Variants in LRRTM4 observed in about 807,000 individuals in gnomAD.
LRRTM4 encodes the protein leucine-rich repeat transmembrane neuronal protein 4.
LRRTM4 carries 25 observed loss-of-function variants against 47.6 expected under a neutral mutation model. The observed-to-expected ratio is 0.53, with a 90% CI of 0.38 to 0.73. The LOEUF is 0.73. LRRTM4 is among the 30% of genes least tolerant of loss of function. The pLI is 0.00. For synonymous variants in LRRTM4, 311 were observed against 269.5 expected (o/e 1.15, Z -1.51); for missense variants, 638 against 713.4 (o/e 0.89, Z 1.20).
At chr2:77,276,496 G>GAT (rs892652302) in intron 3 of LRRTM4, among the ~76,000 whole-genome samples, 17 of 148,730 alleles carry the variant, frequency 1.1e-4, no homozygotes, top group Non-Finnish European at 5.9e-5. Context: ...ACTATAGTGT[G>GAT]ATATATATAA....
intron 3 of LRRTM4, among the ~76,000 whole-genome samples, chr2:77,112,955 C>T (rs1359115659): frequency 1.3e-5 from 2 of 152,046 alleles, no homozygotes; most frequent in Non-Finnish European, 2.9e-5. Context: ...CATGCTCATC[C>T]GAGACAGATT....
At chr2:77,371,195 G>A (rs552805946) in intron 3 of LRRTM4, among the ~76,000 whole-genome samples, 8 of 151,792 alleles carry the variant, frequency 5.3e-5, no homozygotes, top group Admixed American at 4.6e-4. Context: ...ACTCAATAAC[G>A]AATATTATTC....
At position 76,831,104 on chromosome 2, in the gene LRRTM4, T is replaced by C. The variant is rs1417664072; in HGVS notation, c.1552-82188A>G. Among the ~76,000 whole-genome samples the C allele has an allele frequency of 8.5e-5, 13 of 152,136 alleles. No homozygotes were observed. In the East Asian group the frequency reaches 2.5e-3, roughly 29 times the overall value. On this transcript the variant is annotated intron_variant, in intron 3 of 3. Coordinates refer to ENST00000409884, the MANE Select transcript of LRRTM4 (RefSeq NM_001134745.3). ...TTTAAGGTGATGCTGCTAGTAGAGATTGCCTTTCTTTAATTTTATTTGTAA... is the reference window on the plus strand; with the variant it reads ...TTTAAGGTGATGCTGCTAGTAGAGACTGCCTTTCTTTAATTTTATTTGTAA...
intron 3 of LRRTM4, among the ~76,000 whole-genome samples, chr2:77,281,571 G>A (rs575334859): frequency 2.6e-5 from 4 of 151,778 alleles, no homozygotes; most frequent in South Asian, 2.1e-4. Flanking sequence ...TCACTATTAC[G>A]GTAAAAGAAA....
At chr2:76,975,815 T>A (rs893727265) in intron 3 of LRRTM4, among the ~76,000 whole-genome samples, 2 of 151,730 alleles carry the variant, frequency 1.3e-5, no homozygotes, top group African/African-American at 4.8e-5. Flanking sequence ...TGTCTTATAC[T>A]CTCTTATTTA....
intron 3 of LRRTM4, among the ~76,000 whole-genome samples, chr2:77,394,020 C>T (rs1055455177): frequency 6.6e-6 from 1 of 151,878 alleles, no homozygotes; most frequent in African/African-American, 2.4e-5. Context: ...TTTAACCTGG[C>T]AATCATACTG....
At chr2:76,905,037 C>T (rs1039089695) in intron 3 of LRRTM4, among the ~76,000 whole-genome samples, 1 of 152,102 alleles carries the variant, frequency 6.6e-6, no homozygotes, top group African/African-American at 2.4e-5. Context: ...AACAGGCAGA[C>T]TGCCTCCTCA....
intron 3 of LRRTM4, among the ~76,000 whole-genome samples, chr2:77,031,512 T>C (rs1678655178): frequency 1.3e-5 from 2 of 152,166 alleles, no homozygotes; most frequent in Admixed American, 6.5e-5. Flanking sequence ...TCTACTGAAA[T>C]CACTGGAACA....
intron 3 of LRRTM4, among the ~76,000 whole-genome samples, chr2:76,805,537 C>G (rs1158876906): frequency 1.3e-5 from 2 of 151,980 alleles, no homozygotes; most frequent in Non-Finnish European, 2.9e-5. Context: ...GTAGATCAAA[C>G]CTACTGAAAA....
intron 3 of LRRTM4, among the ~76,000 whole-genome samples, chr2:77,125,785 G>C (rs17406667): frequency 0.13 from 19,960 of 151,736 alleles, 1,593 homozygotes; most frequent in Non-Finnish European, 0.18. Flanking sequence ...AAACAGTTGT[G>C]CATCATAAAA....
At chr2:77,347,837 T>C (rs1396946057) in intron 3 of LRRTM4, among the ~76,000 whole-genome samples, 2 of 152,106 alleles carry the variant, frequency 1.3e-5, no homozygotes, top group African/African-American at 4.8e-5. Context: ...CATCAAATAA[T>C]ATGGCACATA....
At chr2:76,888,282 G>A (rs1053084349) in intron 3 of LRRTM4, among the ~76,000 whole-genome samples, 1 of 150,878 alleles carries the variant, frequency 6.6e-6, no homozygotes, top group Admixed American at 6.6e-5. Context: ...TTTCTATAAT[G>A]GTATACTAAT....
intron 3 of LRRTM4, among the ~76,000 whole-genome samples, chr2:77,304,240 T>C (rs1176317269): frequency 6.6e-6 from 1 of 152,200 alleles, no homozygotes; most frequent in Non-Finnish European, 1.5e-5. Context: ...TGGCCATTTG[T>C]ATGTCTTTTG....
chr2:77,121,750 G>A (rs186235721), intron 3 of LRRTM4, among the ~76,000 whole-genome samples: 42 of 151,794 alleles, frequency 2.8e-4, no homozygotes, highest in African/African-American at 9.4e-4. Context: ...TTAGCCAATC[G>A]CTTTTCTACC....
chr2:77,277,149 C>T (rs987465990), intron 3 of LRRTM4, among the ~76,000 whole-genome samples: 6 of 151,970 alleles, frequency 3.9e-5, no homozygotes, highest in South Asian at 2.1e-4. Context: ...CCACATACCT[C>T]GTTGTTCTCT....
chr2:77,191,906 C>G (rs1384227775), intron 3 of LRRTM4, among the ~76,000 whole-genome samples: 1 of 151,986 alleles, frequency 6.6e-6, no homozygotes, highest in African/African-American at 2.4e-5. Flanking sequence ...CACCCCTAAA[C>G]TTTACAGGAC....
intron 3 of LRRTM4, among the ~76,000 whole-genome samples, chr2:76,917,112 G>A (rs965820945): frequency 6.6e-6 from 1 of 152,168 alleles, no homozygotes; most frequent in African/African-American, 2.4e-5. Flanking sequence ...AAGTGTTTTA[G>A]ACATTGTGAA....
chr2:76,967,433 C>G lies in LRRTM4; in HGVS notation c.1552-218517G>C, dbSNP rs115586669. Among the ~76,000 whole-genome samples, 978 of 151,636 alleles carry G rather than the reference C, an allele frequency of 6.4e-3. 12 individuals carry two copies. The highest frequency in any genetic ancestry group is 0.021 in the African/African-American group (867 of 41,478). ...TTCTGTGTTGCAATTTTGATCATGT[C>G]ACTTCCAACATAAGGTCACTCAGTG... On this transcript the variant is annotated intron_variant, in intron 3 of 3. Transcript: ENST00000409884.
chr2:76,831,500 G>T (rs1342629751), intron 3 of LRRTM4, among the ~76,000 whole-genome samples: 1 of 151,928 alleles, frequency 6.6e-6, no homozygotes, highest in Non-Finnish European at 1.5e-5. Context: ...CTCTAGCTTT[G>T]GGTTGATTCT....
Sources: gnomAD v4.1 joint callset for allele counts (sites outside exome capture counted in the v4.1 genomes callset) on GRCh38, gnomAD v4.1.1 for gene constraint, MANE v1.5 for transcripts, NCBI Gene and HGNC (gene_info 2026-07-23, HGNC 2026-07-21) for gene names.